Variants in AGBL4 observed in about 807,000 individuals in gnomAD.
The protein encoded by AGBL4 is cytosolic carboxypeptidase 6.
AGBL4 carries 58 observed loss-of-function variants against 66.4 expected under a neutral mutation model. The ratio of observed to expected loss-of-function variants is 0.87; its 90% confidence interval spans 0.71 to 1.09. The LOEUF (loss-of-function observed/expected upper bound fraction) is 1.09. Among genes scored for constraint, AGBL4 ranks in the 50% least tolerant of loss-of-function variants. The pLI is 0.00. For missense variants in AGBL4, 579 were observed against 631.0 expected (o/e 0.92, Z 0.88); for synonymous variants, 234 against 222.9 (o/e 1.05, Z -0.44).
chr1:48,534,839 C>A (rs1643942435), intron 13 of AGBL4, 51 bp downstream of exon 13: 1 of 1,523,794 alleles, frequency 6.6e-7, no homozygotes, highest in Non-Finnish European at 8.9e-7. Context: ...CCCTGGAGCA[C>A]ATGCATGGTA....
chr1:49,720,651 CA>C (rs1317574678), intron 2 of AGBL4, among the ~76,000 whole-genome samples: 1 of 152,110 alleles, frequency 6.6e-6, no homozygotes, highest in Non-Finnish European at 1.5e-5. Flanking sequence ...TTTCTACTTG[CA>C]AATTCATAGA....
chr1:49,381,169 T>G (rs1475843551), intron 3 of AGBL4, among the ~76,000 whole-genome samples: 1 of 151,732 alleles, frequency 6.6e-6, no homozygotes, highest in East Asian at 1.9e-4. Context: ...AACAACCCCA[T>G]CAAAAAGTGG....
chr1:49,844,320 C>T (rs1204665127), intron 2 of AGBL4, among the ~76,000 whole-genome samples: 2 of 152,146 alleles, frequency 1.3e-5, no homozygotes, highest in African/African-American at 4.8e-5. Flanking sequence ...TTGCTCCTTC[C>T]AAGTCCAGTG....
chr1:49,352,798 T>A (rs1643937906), intron 3 of AGBL4, among the ~76,000 whole-genome samples: 1 of 152,194 alleles, frequency 6.6e-6, no homozygotes, highest in African/African-American at 2.4e-5. Context: ...TCATAACTTA[T>A]CAATAGGACC....
intron 3 of AGBL4, among the ~76,000 whole-genome samples, chr1:49,487,544 C>T (rs916343400): frequency 6.6e-6 from 1 of 151,854 alleles, no homozygotes; most frequent in African/African-American, 2.4e-5. Context: ...TCTGGCATTT[C>T]CCCTGCTTGC....
intron 3 of AGBL4, among the ~76,000 whole-genome samples, chr1:49,382,279 C>A (rs576846689): frequency 6.6e-6 from 1 of 152,074 alleles, no homozygotes; most frequent in Non-Finnish European, 1.5e-5. Flanking sequence ...AAGATTTGAG[C>A]CCAAGCATTT....
At chr1:49,116,391 C>T (rs1645522878) in intron 4 of AGBL4, among the ~76,000 whole-genome samples, 1 of 152,162 alleles carries the variant, frequency 6.6e-6, no homozygotes, top group South Asian at 2.1e-4. Flanking sequence ...CGCCAACAGG[C>T]CCTGGTGTGT....
chr1:49,828,930 G>A (rs1483748900), intron 2 of AGBL4, among the ~76,000 whole-genome samples: 1 of 152,072 alleles, frequency 6.6e-6, no homozygotes, highest in Non-Finnish European at 1.5e-5. Flanking sequence ...TTGGCCGGGC[G>A]CGGTGGCAGA....
At chr1:49,450,537 G>A (rs1180167078) in intron 3 of AGBL4, among the ~76,000 whole-genome samples, 1 of 151,986 alleles carries the variant, frequency 6.6e-6, no homozygotes, top group African/African-American at 2.4e-5. Context: ...TGTCTGATGG[G>A]GTCATTCATT....
intron 4 of AGBL4, among the ~76,000 whole-genome samples, chr1:49,084,787 T>C (rs1287678048): frequency 1.3e-5 from 2 of 152,158 alleles, no homozygotes; most frequent in East Asian, 1.9e-4. Context: ...AAAAATATGT[T>C]AAAAAACATC....
chr1:48,627,573 G>A (rs1452906875), intron 9 of AGBL4, among the ~76,000 whole-genome samples: 2 of 151,244 alleles, frequency 1.3e-5, no homozygotes, highest in African/African-American at 4.9e-5. Flanking sequence ...AGGGCTGCAG[G>A]AGGCAAGAAA....
chr1:49,270,835 A>C (rs987757293), intron 3 of AGBL4, among the ~76,000 whole-genome samples: 2 of 152,218 alleles, frequency 1.3e-5, no homozygotes, highest in African/African-American at 2.4e-5. Flanking sequence ...AATTTTAAAA[A>C]AGGAGAGATT....
chr1:49,471,715 C>A lies in AGBL4; in HGVS notation c.282+225598G>T, dbSNP rs185011750. On this transcript the variant is annotated intron_variant, in intron 3 of 13. Transcript: ENST00000371839. Reference sequence around the variant, plus strand: ...AAGGATCAGGAAAGAGGCAGCCCAACAAGACAAGAAACTCTTAGAAAATAA... The same window carrying A: ...AAGGATCAGGAAAGAGGCAGCCCAAAAAGACAAGAAACTCTTAGAAAATAA... Among the ~76,000 whole-genome samples, 3 of 151,986 alleles carry A rather than the reference C, an allele frequency of 2.0e-5. No individual in the cohort carries two copies. The East Asian group carries it at 5.8e-4, about 30-fold the overall frequency.
chr1:48,876,131 T>C (rs1360824972), intron 5 of AGBL4, among the ~76,000 whole-genome samples: 2 of 152,176 alleles, frequency 1.3e-5, no homozygotes, highest in Non-Finnish European at 2.9e-5. Flanking sequence ...TTAACTTGTG[T>C]TTATATTTGA....
At chr1:49,885,762 CA>C (rs1436584101) in intron 1 of AGBL4, among the ~76,000 whole-genome samples, 1 of 152,014 alleles carries the variant, frequency 6.6e-6, no homozygotes, top group African/African-American at 2.4e-5. Flanking sequence ...ACTATAGTCT[CA>C]AAAAGTTGAC....
At chr1:49,226,433 T>C (rs1385191005) in intron 4 of AGBL4, among the ~76,000 whole-genome samples, 5 of 152,214 alleles carry the variant, frequency 3.3e-5, no homozygotes, top group African/African-American at 1.2e-4. Context: ...ATGGAAAGCA[T>C]CACATCTCTG....
intron 3 of AGBL4, among the ~76,000 whole-genome samples, chr1:49,588,867 A>G (rs1028969362): frequency 2.0e-5 from 3 of 152,210 alleles, no homozygotes; most frequent in Non-Finnish European, 4.4e-5. Context: ...GGATTGATTA[A>G]CTTAACCAAG....
intron 3 of AGBL4, among the ~76,000 whole-genome samples, chr1:49,590,181 T>C (rs1459522423): frequency 3.3e-5 from 5 of 152,060 alleles, no homozygotes; most frequent in African/African-American, 7.2e-5. Flanking sequence ...AGACGTTGAC[T>C]ACAGTAATAT....
chr1:49,914,100 T>C (rs1350314376), intron 1 of AGBL4, among the ~76,000 whole-genome samples: 1 of 152,192 alleles, frequency 6.6e-6, no homozygotes, highest in Non-Finnish European at 1.5e-5. Context: ...GCCACACCAT[T>C]GTTTCACTCT....
Sources: gnomAD v4.1 joint callset for allele counts (sites outside exome capture counted in the v4.1 genomes callset) on GRCh38, gnomAD v4.1.1 for gene constraint, MANE v1.5 for transcripts, NCBI Gene and HGNC (gene_info 2026-07-23, HGNC 2026-07-21) for gene names.